Variants in TIAM2 observed in about 807,000 individuals in gnomAD.
The protein encoded by TIAM2 is TIAM Rac1 associated GEF 2.
In TIAM2, 80 loss-of-function variants were observed where a neutral mutation model predicts 152.9. The observed-to-expected ratio is 0.52, with a 90% CI of 0.44 to 0.63. The LOEUF (loss-of-function observed/expected upper bound fraction) is 0.63, where lower values mean the gene tolerates loss of function less well. TIAM2 is among the 30% of genes least tolerant of loss of function. TIAM2 has a pLI of 0.00. For missense variants in TIAM2, 1,965 were observed against 2,120.1 expected (o/e 0.93, Z 1.44); for synonymous variants, 804 against 838.0 (o/e 0.96, Z 0.70).
At chr6:155,114,057 T>C (rs1445059126) in intron 2 of TIAM2, among the ~76,000 whole-genome samples, 54 of 103,254 alleles carry the variant, frequency 5.2e-4, no homozygotes, top group African/African-American at 9.4e-4. Flanking sequence ...TTTCTTTTTT[T>C]TTTTTTTTTT....
intron 7 of TIAM2, among the ~76,000 whole-genome samples, chr6:155,151,447 A>G (rs1383651445): frequency 6.6e-6 from 1 of 152,236 alleles, no homozygotes; most frequent in Non-Finnish European, 1.5e-5. Flanking sequence ...TGACCTAATC[A>G]TTGCCCCTTT....
intron 1 of TIAM2, among the ~76,000 whole-genome samples, chr6:155,052,461 A>C (rs936686544): frequency 3.9e-5 from 6 of 152,022 alleles, no homozygotes; most frequent in Non-Finnish European, 8.8e-5. Context: ...TGAATAACCA[A>C]AGGATTAAGA....
intron 1 of TIAM2, among the ~76,000 whole-genome samples, chr6:155,021,325 G>A (rs373584343): frequency 3.3e-5 from 5 of 152,032 alleles, no homozygotes; most frequent in South Asian, 2.1e-4. Context: ...GCAATGGTAC[G>A]ATCTCGGCTC....
intron 15 of TIAM2, chr6:155,217,143 A>G: frequency 7.8e-7 from 1 of 1,287,896 alleles, no homozygotes; most frequent in Non-Finnish European, 1.0e-6. Flanking sequence ...ATCCAAATGT[A>G]GGCATGCTTG....
chr6:155,257,444 G>C lies in TIAM2; in HGVS notation c.*323G>C, dbSNP rs1219731209. The C allele has an allele frequency of 5.9e-6, 2 of 338,680 alleles. No individual in the cohort carries two copies. Among genetic ancestry groups the C allele is most frequent in the Non-Finnish European group, 5.4e-6 (1 of 186,744 alleles). 21.0% of individuals were successfully genotyped at this position (338,680 alleles called of 1,614,324 possible). A position where few individuals can be genotyped will look rare whatever the true frequency, so the allele number is the denominator to read the frequency against. ...AAGGCTGGGGAAGTCGTGATTAATA[G>C]TTTTCAAAGGGCCATTTTTTAAAAT... On this transcript the variant is annotated 3_prime_UTR_variant, in exon 27 of 27. Transcript: ENST00000682666.
intron 1 of TIAM2, among the ~76,000 whole-genome samples, chr6:155,008,647 T>G (rs1778436064): frequency 6.6e-6 from 1 of 152,170 alleles, no homozygotes; most frequent in Admixed American, 6.6e-5. Flanking sequence ...CCGCAGGCAG[T>G]GTGCCCAGAG....
intron 2 of TIAM2, among the ~76,000 whole-genome samples, chr6:155,125,425 G>A (rs1010656382): frequency 5.9e-5 from 9 of 152,268 alleles, no homozygotes; most frequent in East Asian, 1.9e-4. Context: ...AACTGCTGTC[G>A]AAAAACAGAA....
At chr6:155,227,555 T>C (rs941201194) in intron 15 of TIAM2, among the ~76,000 whole-genome samples, 11 of 152,192 alleles carry the variant, frequency 7.2e-5, no homozygotes, top group Non-Finnish European at 1.2e-4. Flanking sequence ...AAGGAGAATA[T>C]GGCACTGCGT....
chr6:155,250,720 C>A, intron 21 of TIAM2, 193 bp from the exon 22 acceptor site: 4 of 1,209,640 alleles, frequency 3.3e-6, no homozygotes, highest in South Asian at 2.8e-5. Context: ...TTATGTTATT[C>A]ATCAGACACT....
chr6:155,009,325 C>T (rs1362341407), intron 1 of TIAM2, among the ~76,000 whole-genome samples: 1 of 151,970 alleles, frequency 6.6e-6, no homozygotes, highest in African/African-American at 2.4e-5. Context: ...TGGTCTTGAA[C>T]TCCTGAACTC....
chr6:155,008,797 T>TGAGAAAAG (rs1470020468), intron 1 of TIAM2, among the ~76,000 whole-genome samples: 1 of 152,146 alleles, frequency 6.6e-6, no homozygotes, highest in Non-Finnish European at 1.5e-5. Flanking sequence ...GTTTGTATTG[T>TGAGAAAAG]GAGAAAAGAA....
At chr6:155,082,560 G>A (rs7738205) in intron 1 of TIAM2, among the ~76,000 whole-genome samples, 43,302 of 151,586 alleles carry the variant, frequency 0.29, 6,887 homozygotes, top group Non-Finnish European at 0.36. Context: ...TAAGGCAGGA[G>A]AATCACTTGA....
chr6:155,005,891 C>T (rs770732653), intron 1 of TIAM2, among the ~76,000 whole-genome samples: 17 of 152,244 alleles, frequency 1.1e-4, no homozygotes, highest in Non-Finnish European at 2.4e-4. Context: ...CTCAGGTGAT[C>T]TGCCTGCCTC....
chr6:155,031,104 A>G (rs1367211920), intron 1 of TIAM2, among the ~76,000 whole-genome samples: 1 of 152,174 alleles, frequency 6.6e-6, no homozygotes, highest in Non-Finnish European at 1.5e-5. Context: ...TTTGTGTCTT[A>G]TTTAACCCTT....
At chr6:155,173,214 T>C (rs1170787475) in intron 9 of TIAM2, among the ~76,000 whole-genome samples, 3 of 152,054 alleles carry the variant, frequency 2.0e-5, no homozygotes, top group East Asian at 3.9e-4. Flanking sequence ...TGTCTGTCTG[T>C]CTGCCTAACA....
At chr6:155,234,234 C>T (rs933167837) in intron 15 of TIAM2, among the ~76,000 whole-genome samples, 4 of 152,132 alleles carry the variant, frequency 2.6e-5, no homozygotes, top group Non-Finnish European at 4.4e-5. Context: ...TCTGCATATG[C>T]ACATCCTGTT....
chr6:155,027,762 A>G (rs1333334152), intron 1 of TIAM2, among the ~76,000 whole-genome samples: 1 of 71,120 alleles, frequency 1.4e-5, no homozygotes, highest in African/African-American at 6.8e-5. Flanking sequence ...ACTGTGTTAC[A>G]TATATACTAT....
At chr6:155,139,997 G>A (rs1374464142) in intron 5 of TIAM2, among the ~76,000 whole-genome samples, 1 of 152,118 alleles carries the variant, frequency 6.6e-6, no homozygotes, top group Non-Finnish European at 1.5e-5. Context: ...AAAGATGTCG[G>A]GATTTAATTT....
At chr6:155,145,141 A>G (rs761880662) in intron 6 of TIAM2, among the ~76,000 whole-genome samples, 1 of 152,138 alleles carries the variant, frequency 6.6e-6, no homozygotes, top group African/African-American at 2.4e-5. Flanking sequence ...CTTGGAGAAT[A>G]TTGATGGGAG....
Sources: gnomAD v4.1 joint callset for allele counts (sites outside exome capture counted in the v4.1 genomes callset) on GRCh38, gnomAD v4.1.1 for gene constraint, MANE v1.5 for transcripts, NCBI Gene and HGNC (gene_info 2026-07-23, HGNC 2026-07-21) for gene names.